The following AP1B1 variants were observed in gnomAD, a reference collection of about 807,000 sequenced individuals.
The protein encoded by AP1B1 is AP-1 complex subunit beta-1.
Under a neutral mutation model 104.3 loss-of-function variants are expected in AP1B1, and 36 were observed. The observed-to-expected ratio is 0.35, with a 90% CI of 0.26 to 0.46. AP1B1 has a LOEUF of 0.46. Ranked by LOEUF, AP1B1 falls within the 20% of genes least tolerant of loss-of-function variation. The probability of loss-of-function intolerance (pLI) is 1.00; values close to 1 mark genes in which losing one functional copy is unlikely to be tolerated. For synonymous variants in AP1B1, 504 were observed against 517.5 expected (o/e 0.97, Z 0.35); for missense variants, 901 against 1,247.9 (o/e 0.72, Z 4.19).
Position 29,351,202 on chromosome 22 carries a change from C to T in AP1B1, c.1124G>A (p.Arg375His), listed in dbSNP as rs377201972. 32 of 1,613,856 alleles carry T rather than the reference C, an allele frequency of 2.0e-5. No individual in the cohort carries two copies. The highest frequency in any genetic ancestry group is 2.5e-5 in the Non-Finnish European group (30 of 1,179,854). The change falls in exon 9 of 23, where the codon CGT becomes CAT. Residue 375 changes from arginine (R) to histidine (H), a missense_variant. Arg to His is a conservative substitution (Grantham distance 29). Coordinates refer to ENST00000357586, the MANE Select transcript of AP1B1 (RefSeq NM_001127.4). ...VDVDFVRKAV[R>H]AIGRCAIKVE... ...CTTGATGGCGCAGCGGCCAATAGCACGCACAGCCTTCCGTACAAAGTCCAC... is the reference window on the plus strand; with the variant it reads ...CTTGATGGCGCAGCGGCCAATAGCATGCACAGCCTTCCGTACAAAGTCCAC...
Position 29,361,129 on chromosome 22 carries a change from G to T in AP1B1, c.144-1170C>A, listed in dbSNP as rs16987604. Among the ~76,000 whole-genome samples, 989 of 151,152 alleles carry T rather than the reference G, an allele frequency of 6.5e-3. 3 individuals are homozygous for T. The highest frequency in any genetic ancestry group is 8.6e-3 in the African/African-American group (355 of 41,134). ...CTCTGTGAGGAGGTGACAGTGGTGT[G>T]CTGGGTGAAGGAGAGCAGCTTTGTC... On this transcript the variant is annotated intron_variant, in intron 3 of 22. Coordinates refer to ENST00000357586, the MANE Select transcript of AP1B1 (RefSeq NM_001127.4).
chr22:29,332,574 C>T (rs2061577864), intron 17 of AP1B1, among the ~76,000 whole-genome samples: 1 of 152,238 alleles, frequency 6.6e-6, no homozygotes, highest in African/African-American at 2.4e-5. Context: ...TATACCTGGG[C>T]TGCGGATTCA....
At chr22:29,344,951 A>G (rs2061769632) in intron 11 of AP1B1, among the ~76,000 whole-genome samples, 1 of 152,222 alleles carries the variant, frequency 6.6e-6, no homozygotes, top group Non-Finnish European at 1.5e-5. Flanking sequence ...AGTCCTAGCT[A>G]TTCAGAATCC....
chr22:29,373,423 A>G (rs2062274937), intron 1 of AP1B1, among the ~76,000 whole-genome samples: 1 of 152,222 alleles, frequency 6.6e-6, no homozygotes, highest in African/African-American at 2.4e-5. Flanking sequence ...TTTCATGTGT[A>G]CAAAGCTCTA....
chr22:29,347,931 A>G (rs1485310729), intron 11 of AP1B1, among the ~76,000 whole-genome samples: 1 of 152,270 alleles, frequency 6.6e-6, no homozygotes, highest in African/African-American at 2.4e-5. Context: ...TTCAATGAGC[A>G]CAAGACTGGA....
At chr22:29,342,201 C>G in intron 12 of AP1B1, 84 bp downstream of exon 12, 2 of 1,168,900 alleles carry the variant, frequency 1.7e-6, no homozygotes, top group Non-Finnish European at 2.5e-6. Context: ...GCGGGCCTGG[C>G]TTCCAGGTCT....
At chr22:29,369,636 C>A (rs915002880) in intron 1 of AP1B1, among the ~76,000 whole-genome samples, 16 of 152,218 alleles carry the variant, frequency 1.1e-4, no homozygotes, top group Admixed American at 2.0e-4. Flanking sequence ...CCCGCATGCG[C>A]CAGGCTCACA....
At chr22:29,336,085 C>T (rs2061633704) in intron 16 of AP1B1, among the ~76,000 whole-genome samples, 1 of 152,196 alleles carries the variant, frequency 6.6e-6, no homozygotes, top group African/African-American at 2.4e-5. Context: ...GAACCATCTT[C>T]AATCTTTACT....
At chr22:29,371,566 T>C (rs951068683) in intron 1 of AP1B1, among the ~76,000 whole-genome samples, 23 of 151,740 alleles carry the variant, frequency 1.5e-4, no homozygotes, top group African/African-American at 5.6e-4. Flanking sequence ...CCCATCTCTA[T>C]GAAAAATAAA....
At chr22:29,357,510 C>T (rs902667053) in intron 5 of AP1B1, among the ~76,000 whole-genome samples, 3 of 152,078 alleles carry the variant, frequency 2.0e-5, no homozygotes, top group Non-Finnish European at 4.4e-5. Flanking sequence ...AGATTACAGG[C>T]ACGCACCACC....
At chr22:29,344,379 C>G (rs78348440) in intron 11 of AP1B1, among the ~76,000 whole-genome samples, 1 of 152,118 alleles carries the variant, frequency 6.6e-6, no homozygotes, top group Non-Finnish European at 1.5e-5. Context: ...CCTCTCAACA[C>G]GCTCAACACA....
intron 1 of AP1B1, among the ~76,000 whole-genome samples, chr22:29,382,737 G>T (rs2062457320): frequency 6.6e-6 from 1 of 152,152 alleles, no homozygotes; most frequent in African/African-American, 2.4e-5. Flanking sequence ...GATCGCCAGT[G>T]CAAAGGTGAG....
chr22:29,352,340 A>G (rs2061889612), intron 7 of AP1B1, among the ~76,000 whole-genome samples: 1 of 152,250 alleles, frequency 6.6e-6, no homozygotes, highest in Non-Finnish European at 1.5e-5. Flanking sequence ...CAAAGAATAC[A>G]GTTTATGCTG....
At chr22:29,388,007 G>A (rs778776853) in intron 1 of AP1B1, among the ~76,000 whole-genome samples, 2 of 152,172 alleles carry the variant, frequency 1.3e-5, no homozygotes, top group Admixed American at 6.5e-5. Flanking sequence ...GCACGGGACC[G>A]TTTTCTAGTT....
At chr22:29,347,228 C>T (rs1467942090) in intron 11 of AP1B1, among the ~76,000 whole-genome samples, 1 of 152,172 alleles carries the variant, frequency 6.6e-6, no homozygotes, top group African/African-American at 2.4e-5. Context: ...TTGCCAGCTA[C>T]CGGAACCAGT....
Position 29,349,255 on chromosome 22 carries a change from T to C in AP1B1, c.1400A>G (p.Glu467Gly), listed in dbSNP as rs1390807362. 2 of 1,613,736 alleles carry C rather than the reference T, an allele frequency of 1.2e-6. No individual in the cohort carries two copies. Among genetic ancestry groups the C allele is most frequent in the Non-Finnish European group, 1.7e-6 (2 of 1,180,036 alleles). ...ERIDNADELL[E>G]SFLEGFHDES... ...GTCATGGAAGCCCTCGAGGAAGCTCTCCAGCAGCTCATCTGCGTTGTCGAT... is the reference window on the plus strand; with the variant it reads ...GTCATGGAAGCCCTCGAGGAAGCTCCCCAGCAGCTCATCTGCGTTGTCGAT... Residue 467 changes from glutamate to glycine, a missense_variant, in exon 11 of 23, where the codon GAG becomes GGG. Physicochemically the swap from Glu to Gly is moderately conservative, Grantham distance 98 (BLOSUM62 -2). Coordinates refer to ENST00000357586, the MANE Select transcript of AP1B1 (RefSeq NM_001127.4).
intron 16 of AP1B1, among the ~76,000 whole-genome samples, chr22:29,336,726 C>G (rs1450702363): frequency 2.0e-5 from 3 of 151,386 alleles, no homozygotes; most frequent in Admixed American, 1.3e-4. Context: ...ATCGCTTGAA[C>G]CCCGGAGACA....
chr22:29,357,242 A>G (rs2061973607), intron 5 of AP1B1, among the ~76,000 whole-genome samples: 1 of 151,422 alleles, frequency 6.6e-6, no homozygotes, highest in East Asian at 1.9e-4. Context: ...TGATTTTTGT[A>G]TTTTTAGTAG....
At chr22:29,386,757 A>G (rs2062529233) in intron 1 of AP1B1, among the ~76,000 whole-genome samples, 1 of 152,216 alleles carries the variant, frequency 6.6e-6, no homozygotes, top group Non-Finnish European at 1.5e-5. Context: ...AGGAGCAGAC[A>G]GGAAGGCGGC....
Sources: allele counts gnomAD v4.1 joint callset (sites outside exome capture counted in the v4.1 genomes callset), GRCh38; gene constraint gnomAD v4.1.1; transcripts MANE v1.5; gene names NCBI Gene and HGNC (gene_info 2026-07-23, HGNC 2026-07-21).